The following KCNAB2 variants were observed in gnomAD, a reference collection of about 807,000 sequenced individuals.
KCNAB2 encodes the protein voltage-gated potassium channel subunit beta-2.
In KCNAB2, 29 loss-of-function variants were observed where a neutral mutation model predicts 63.6. The observed-to-expected ratio is 0.46, with a 90% CI of 0.34 to 0.62. The LOEUF (loss-of-function observed/expected upper bound fraction) is 0.62. KCNAB2 is among the 20% of genes least tolerant of loss of function. The pLI, the probability that KCNAB2 is intolerant of heterozygous loss-of-function variation, is 0.01. For missense variants in KCNAB2, 359 were observed against 563.9 expected (o/e 0.64, Z 3.68); for synonymous variants, 222 against 224.2 (o/e 0.99, Z 0.09).
At chr1:6,079,149 C>T (rs930705185) in intron 4 of KCNAB2, among the ~76,000 whole-genome samples, 4 of 152,182 alleles carry the variant, frequency 2.6e-5, no homozygotes, top group Admixed American at 6.5e-5. Flanking sequence ...CTGATGCTGC[C>T]GCAGGCTGCC....
At chr1:6,033,352 C>T (rs542835913), upstream of KCNAB2, among the ~76,000 whole-genome samples, 55 of 142,420 alleles carry the variant, frequency 3.9e-4, no homozygotes, top group South Asian at 1.8e-3. Context: ...TGTGTGTGTG[C>T]GTGTGGGTGT....
chr1:6,051,772 G>GGGC lies in KCNAB2; in HGVS notation c.218+21_218+23dup. On this transcript the variant is annotated intron_variant, in intron 2 of 15. Coordinates refer to ENST00000378083, the MANE Select transcript of KCNAB2 (RefSeq NM_001199862.2). The stretch of plus-strand genomic sequence containing the variant: ...AAGTATCGGTAAGGGCCGGGCAGGG[G>GGGC]GGCGGTGGGGTGGGAAGTCTGATTT... The GGGC allele has an allele frequency of 6.6e-7, 1 of 1,519,214 alleles. No individual in the cohort carries two copies. 94.1% of individuals were successfully genotyped at this position (1,519,214 alleles called of 1,614,324 possible). A position where few individuals can be genotyped will look rare whatever the true frequency, so the allele number is the denominator to read the frequency against.
chr1:6,072,189 G>A (rs986380146), intron 2 of KCNAB2, among the ~76,000 whole-genome samples: 2 of 152,186 alleles, frequency 1.3e-5, no homozygotes, highest in Non-Finnish European at 2.9e-5. Flanking sequence ...TGCCGCTGCT[G>A]TTGGGCCTGG....
chr1:6,092,851 A>G (rs1303193301), intron 10 of KCNAB2, among the ~76,000 whole-genome samples: 3 of 152,240 alleles, frequency 2.0e-5, no homozygotes, highest in African/African-American at 7.2e-5. Flanking sequence ...AGCAGAGAGC[A>G]GGGCTGGGCC....
chr1:6,059,342 C>T (rs1373865859), intron 2 of KCNAB2, among the ~76,000 whole-genome samples: 1 of 152,134 alleles, frequency 6.6e-6, no homozygotes, highest in Non-Finnish European at 1.5e-5. Flanking sequence ...AGGTGCGCAC[C>T]ACCACACCTG....
At position 6,073,862 on chromosome 1, in the gene KCNAB2, TC is replaced by T; in HGVS notation, c.300+95del. 7.5e-7 allele frequency: 1 copy of T among 1,325,698 alleles called. No homozygotes were observed. The highest frequency in any genetic ancestry group is 1.1e-6 in the Non-Finnish European group (1 of 921,158). 82.1% of individuals were successfully genotyped at this position (1,325,698 alleles called of 1,614,324 possible). A position where few individuals can be genotyped will look rare whatever the true frequency, so the allele number is the denominator to read the frequency against. On this transcript the variant is annotated intron_variant, in intron 4 of 15. Coordinates refer to ENST00000378083, the MANE Select transcript of KCNAB2 (RefSeq NM_001199862.2). This position sits in a 1 kb window ranked among gnomAD's most constrained non-coding sequence, Gnocchi z 5.7. Reference sequence around the variant, plus strand: ...GCCGCGTGGACCAGTGAGCACGTGCTCCCGGGAGCCAGCGCAGCAGCCTCCC... The same window carrying T: ...GCCGCGTGGACCAGTGAGCACGTGCTCCGGGAGCCAGCGCAGCAGCCTCCC...
At chr1:6,036,269 G>A (rs1660030552) in intron 1 of KCNAB2, among the ~76,000 whole-genome samples, 1 of 152,272 alleles carries the variant, frequency 6.6e-6, no homozygotes, top group Admixed American at 6.5e-5. Context: ...TAGGGAGGCC[G>A]AGGCGGGCGG....
rs1658757523 is a variant in KCNAB2, at chr1:6,020,513, G to A, written c.-52-20004G>A. 2.0e-5 allele frequency among the ~76,000 whole-genome samples: 3 copies of A among 152,062 alleles called. No individual in the cohort carries two copies. The South Asian group carries it at 6.2e-4, about 32-fold the overall frequency. ...ACACCAGGATCGCGTCCCTTTCCAA[G>A]CAGAATTTTCCCGAAGCCCCACCCT... On this transcript the variant is annotated intron_variant, in intron 1 of 16. Transcript: ENST00000341524.
chr1:6,099,809 C>A lies in KCNAB2; in HGVS notation c.*1235C>A. The A allele has an allele frequency of 6.6e-7, 1 of 1,520,226 alleles. No individual in the cohort carries two copies. 94.2% of individuals were successfully genotyped at this position (1,520,226 alleles called of 1,614,324 possible). On this transcript the variant is annotated 3_prime_UTR_variant, in exon 16 of 16. Coordinates refer to ENST00000378083, the MANE Select transcript of KCNAB2 (RefSeq NM_001199862.2). Reference sequence around the variant, plus strand: ...GTTAGCCCCTCCCACTGCCTGACACCTGGGACAGGCTGGGCAGAGGGGAGA... The same window carrying A: ...GTTAGCCCCTCCCACTGCCTGACACATGGGACAGGCTGGGCAGAGGGGAGA...
chr1:6,080,405 C>A (rs983872937), intron 4 of KCNAB2, among the ~76,000 whole-genome samples: 1 of 152,160 alleles, frequency 6.6e-6, no homozygotes, highest in South Asian at 2.1e-4. Context: ...AGCAGCAGGT[C>A]CCTCGGGCGG....
intron 2 of KCNAB2, among the ~76,000 whole-genome samples, chr1:6,058,470 A>G (rs1038262960): frequency 8.5e-5 from 13 of 152,214 alleles, no homozygotes; most frequent in Non-Finnish European, 1.5e-4. Context: ...CTTACCCGGA[A>G]AGTGGAGACC....
At chr1:6,044,002 T>C (rs1336041332), upstream of KCNAB2, among the ~76,000 whole-genome samples, 1 of 152,202 alleles carries the variant, frequency 6.6e-6, no homozygotes, top group Non-Finnish European at 1.5e-5. Flanking sequence ...AACTGGGGCC[T>C]ACCCCAGGCA....
intron 10 of KCNAB2, among the ~76,000 whole-genome samples, chr1:6,093,703 CA>C (rs1368995114): frequency 6.6e-6 from 1 of 152,258 alleles, no homozygotes; most frequent in Non-Finnish European, 1.5e-5. Flanking sequence ...CACCCCTTGC[CA>C]GGGGACAGGC....
intron 2 of KCNAB2, among the ~76,000 whole-genome samples, chr1:6,061,002 A>G (rs887453897): frequency 1.3e-5 from 2 of 150,648 alleles, no homozygotes; most frequent in Non-Finnish European, 3.0e-5. Flanking sequence ...GCCCCCTTCC[A>G]CTGCGAGCCT....
intron 1 of KCNAB2, among the ~76,000 whole-genome samples, chr1:6,026,827 G>T (rs1272672683): frequency 6.6e-6 from 1 of 152,218 alleles, no homozygotes. Flanking sequence ...CCCTCTGCAG[G>T]GGGCAGGGCT....
At chr1:6,097,070 CAG>C (rs1665704730) in intron 14 of KCNAB2, among the ~76,000 whole-genome samples, 197 bp from the exon 15 acceptor site, 1 of 152,188 alleles carries the variant, frequency 6.6e-6, no homozygotes, top group Non-Finnish European at 1.5e-5. Flanking sequence ...ACCTCTCCAT[CAG>C]GGAGCAGCGG....
At position 6,099,849 on chromosome 1, in the gene KCNAB2, C is replaced by T. The variant is rs1665913133; in HGVS notation, c.*1275C>T. 6.5e-7 allele frequency: 1 copy of T among 1,546,552 alleles called. No homozygotes were observed. Among genetic ancestry groups the T allele is most frequent in the South Asian group, 1.2e-5 (1 of 83,380 alleles). On this transcript the variant is annotated 3_prime_UTR_variant, in exon 16 of 16. Transcript: ENST00000378083. ...CAGAGGGGAGAGAGGGCAGGACAGG[C>T]CAGAGTGACGCCCCCGTGCAGCTTG...
chr1:6,045,778 A>G (rs1004855558), upstream of KCNAB2: 9 of 418,210 alleles, frequency 2.2e-5, no homozygotes, highest in South Asian at 2.0e-4. This position sits in a 1 kb window ranked among gnomAD's most constrained non-coding sequence, Gnocchi z 4.8. Flanking sequence ...TGTGGGTCCA[A>G]AGGTTTGTGT....
chr1:6,072,689 G>A, intron 2 of KCNAB2, 66 bp from the exon 3 acceptor site: 1 of 1,563,290 alleles, frequency 6.4e-7, no homozygotes. Flanking sequence ...GGCCCTGGCG[G>A]GAACTGAGCC....
Sources: allele counts gnomAD v4.1 joint callset (sites outside exome capture counted in the v4.1 genomes callset), GRCh38; gene constraint gnomAD v4.1.1; non-coding constraint Gnocchi (gnomAD v3.1); transcripts MANE v1.5; gene names NCBI Gene and HGNC (gene_info 2026-07-23, HGNC 2026-07-21).